Variants in CCSER1 observed in about 807,000 individuals in gnomAD.
The protein encoded by CCSER1 is serine-rich coiled-coil domain-containing protein 1.
In CCSER1, 41 loss-of-function variants were observed where a neutral mutation model predicts 82.0. The ratio of observed to expected loss-of-function variants is 0.50; its 90% confidence interval spans 0.39 to 0.65. The LOEUF (loss-of-function observed/expected upper bound fraction) is 0.65. CCSER1 is among the 30% of genes least tolerant of loss of function. The probability of loss-of-function intolerance (pLI) is 0.00; values close to 1 mark genes in which losing one functional copy is unlikely to be tolerated. For synonymous variants in CCSER1, 414 were observed against 383.9 expected (o/e 1.08, Z -0.92); for missense variants, 1,119 against 1,064.2 (o/e 1.05, Z -0.72).
chr4:90,534,093 AGGCTAGGCACTT>A (rs1452194848), intron 5 of CCSER1, among the ~76,000 whole-genome samples: 10 of 152,218 alleles, frequency 6.6e-5, no homozygotes, highest in African/African-American at 2.2e-4. Context: ...ATTGGTCACT[AGGCTAGGCACTT>A]GGAACAGAAA....
chr4:90,589,311 TGTTTATAATTTTTTTGTTTATAGG>T (rs1579325344), intron 5 of CCSER1, among the ~76,000 whole-genome samples: 2 of 152,232 alleles, frequency 1.3e-5, no homozygotes, highest in South Asian at 2.1e-4. Flanking sequence ...CATCAGAAGG[TGTTTATAATTTTTTTGTTTATAGG>T]GTTTATAATT....
At chr4:91,495,410 G>T (rs962859364) in intron 10 of CCSER1, among the ~76,000 whole-genome samples, 15 of 150,948 alleles carry the variant, frequency 9.9e-5, no homozygotes, top group Admixed American at 4.0e-4. Flanking sequence ...ACCTTATTTT[G>T]TATCTCATAC....
In CCSER1 at chr4:90,373,477, T is replaced by A. The variant is rs572544060; in HGVS notation, c.1510-26559T>A. Among the ~76,000 whole-genome samples, 42 of 152,280 alleles carry A rather than the reference T, an allele frequency of 2.8e-4. 1 individual carries two copies. The highest frequency in any genetic ancestry group is 9.4e-4 in the African/African-American group (39 of 41,538). On this transcript the variant is annotated intron_variant, in intron 3 of 10. Transcript: ENST00000509176. ...ATAAAGTTCATAGTGAAATAATAAG[T>A]CATGAAACTGGAAACAGTTGCACTC...
intron 8 of CCSER1, among the ~76,000 whole-genome samples, chr4:90,913,350 G>T (rs1726740662): frequency 6.6e-6 from 1 of 152,164 alleles, no homozygotes; most frequent in Non-Finnish European, 1.5e-5. Flanking sequence ...CATTCTTAAA[G>T]AAAAGAATTT....
chr4:90,813,888 C>T (rs542992226), intron 7 of CCSER1, among the ~76,000 whole-genome samples: 59 of 152,272 alleles, frequency 3.9e-4, no homozygotes, highest in African/African-American at 1.4e-3. Context: ...TCTCACAGTT[C>T]CCCTAAGCAG....
At chr4:91,022,637 G>A (rs1267245530) in intron 9 of CCSER1, among the ~76,000 whole-genome samples, 1 of 152,148 alleles carries the variant, frequency 6.6e-6, no homozygotes, top group Non-Finnish European at 1.5e-5. Context: ...CAGCGTAAAA[G>A]TGTTCTTATT....
chr4:90,764,743 T>C (rs1750942338), intron 7 of CCSER1, among the ~76,000 whole-genome samples: 1 of 152,100 alleles, frequency 6.6e-6, no homozygotes, highest in African/African-American at 2.4e-5. Context: ...TATTCTAAGT[T>C]TTAAAAACTT....
intron 3 of CCSER1, among the ~76,000 whole-genome samples, chr4:90,391,477 T>C (rs1332920614): frequency 3.3e-5 from 3 of 91,166 alleles, no homozygotes; most frequent in African/African-American, 2.0e-4. Flanking sequence ...TATATATATA[T>C]ATATATATAC....
chr4:90,734,712 A>T (rs1045987864), intron 7 of CCSER1, among the ~76,000 whole-genome samples: 5 of 152,078 alleles, frequency 3.3e-5, no homozygotes, highest in Admixed American at 2.6e-4. Context: ...AATTCTAATA[A>T]TTTTTTTGGT....
At chr4:91,066,137 A>G (rs929326530) in intron 9 of CCSER1, among the ~76,000 whole-genome samples, 6 of 152,230 alleles carry the variant, frequency 3.9e-5, no homozygotes, top group Admixed American at 2.6e-4. Flanking sequence ...GAAGTCAGAC[A>G]CAGGGAGATT....
intron 8 of CCSER1, among the ~76,000 whole-genome samples, chr4:90,832,561 TA>T (rs890562984): frequency 2.2e-4 from 34 of 152,244 alleles, no homozygotes; most frequent in African/African-American, 7.7e-4. Flanking sequence ...TTGAGATCCA[TA>T]AAAAAATAAA....
chr4:90,605,987 A>G (rs1036612703), intron 5 of CCSER1, among the ~76,000 whole-genome samples: 5 of 152,156 alleles, frequency 3.3e-5, no homozygotes, highest in Non-Finnish European at 7.4e-5. Flanking sequence ...GAGAAGTCTT[A>G]AAAAGAGGTA....
intron 3 of CCSER1, among the ~76,000 whole-genome samples, chr4:90,350,112 T>G (rs1392679857): frequency 2.0e-5 from 3 of 152,106 alleles, no homozygotes; most frequent in Admixed American, 6.6e-5. Context: ...AATTAATAAG[T>G]CATGAACAAG....
At chr4:91,253,631 GAT>G (rs1251614144) in intron 10 of CCSER1, among the ~76,000 whole-genome samples, 4 of 152,122 alleles carry the variant, frequency 2.6e-5, no homozygotes, top group Admixed American at 2.6e-4. Flanking sequence ...TTAACAATAA[GAT>G]ATAAAAATTT....
chr4:90,841,945 T>G (rs1762623800), intron 8 of CCSER1, among the ~76,000 whole-genome samples: 1 of 152,230 alleles, frequency 6.6e-6, no homozygotes, highest in Non-Finnish European at 1.5e-5. Flanking sequence ...AAATAGGAAC[T>G]TATTGTGTTT....
At chr4:90,994,337 A>G (rs1737304338) in intron 9 of CCSER1, among the ~76,000 whole-genome samples, 1 of 152,122 alleles carries the variant, frequency 6.6e-6, no homozygotes, top group Non-Finnish European at 1.5e-5. Context: ...GGACAAAATC[A>G]TCTAACACAA....
chr4:91,524,630 G>A (rs951651222), intron 10 of CCSER1, among the ~76,000 whole-genome samples: 5 of 152,122 alleles, frequency 3.3e-5, no homozygotes, highest in Admixed American at 1.3e-4. Context: ...AAGAGAATGA[G>A]AGAAGGGAAC....
chr4:91,414,863 G>A (rs2149376310), intron 10 of CCSER1, among the ~76,000 whole-genome samples: 1 of 152,214 alleles, frequency 6.6e-6, no homozygotes, highest in South Asian at 2.1e-4. Flanking sequence ...ATTGATTCAA[G>A]AGAACATAAC....
chr4:90,780,787 A>G (rs1753662207), intron 7 of CCSER1: 1 of 1,152,348 alleles, frequency 8.7e-7, no homozygotes, highest in Non-Finnish European at 1.1e-6. Flanking sequence ...CTAAAGTATC[A>G]ATATTTCCAT....
Sources: gnomAD v4.1 joint callset for allele counts (sites outside exome capture counted in the v4.1 genomes callset) on GRCh38, gnomAD v4.1.1 for gene constraint, MANE v1.5 for transcripts, NCBI Gene and HGNC (gene_info 2026-07-23, HGNC 2026-07-21) for gene names.